Variants in CCDC141 observed in about 807,000 individuals in gnomAD.
CCDC141 encodes coiled-coil domain-containing protein 141.
A neutral mutation model predicts 181.0 loss-of-function variants in CCDC141; 168 were observed. That is an observed-to-expected ratio of 0.93 (90% CI 0.82 to 1.05). The LOEUF is 1.05. CCDC141 is among the 50% of genes least tolerant of loss of function. The pLI, the probability that CCDC141 is intolerant of heterozygous loss-of-function variation, is 0.00. For missense variants in CCDC141, 1,902 were observed against 1,788.5 expected (o/e 1.06, Z -1.14); for synonymous variants, 666 against 642.3 (o/e 1.04, Z -0.56).
chr2:178,905,695 A>G (rs12105257), intron 7 of CCDC141, among the ~76,000 whole-genome samples, 194 bp from the exon 8 acceptor site: 3,324 of 152,332 alleles, frequency 0.022, 125 homozygotes, highest in African/African-American at 0.075. Context: ...TAGGAAACTG[A>G]TCATAGCTTA....
chr2:178,846,400 A>G (rs1465119841), intron 21 of CCDC141, among the ~76,000 whole-genome samples: 1 of 152,218 alleles, frequency 6.6e-6, no homozygotes, highest in Non-Finnish European at 1.5e-5. Context: ...ACATGATAGA[A>G]CACACCAGTT....
At chr2:178,989,829 TAAAAA>T (rs71023463) in intron 2 of CCDC141, among the ~76,000 whole-genome samples, 89 of 81,400 alleles carry the variant, frequency 1.1e-3, no homozygotes, top group African/African-American at 3.8e-3. Flanking sequence ...GCTATAATCT[TAAAAA>T]AAAAAAAAAA....
Position 178,997,827 on chromosome 2 carries a change from A to C in CCDC141, c.226-19152T>G, listed in dbSNP as rs536524272. Among the ~76,000 whole-genome samples, 6 of 152,302 alleles carry C rather than the reference A, an allele frequency of 3.9e-5. No individual in the cohort carries two copies. The South Asian group carries it at 1.0e-3, about 26-fold the overall frequency. ...TAAGATGTGTATACTATGGAATTTA[A>C]ATCAGGCAAACTTGAGGATAGGATT... On this transcript the variant is annotated intron_variant, in intron 2 of 23. Coordinates refer to ENST00000443758, the MANE Select transcript of CCDC141 (RefSeq NM_173648.4).
intron 19 of CCDC141, among the ~76,000 whole-genome samples, chr2:178,854,340 C>G (rs967275638): frequency 6.6e-6 from 1 of 151,910 alleles, no homozygotes; most frequent in African/African-American, 2.4e-5. Context: ...CTGGCTAACA[C>G]GGTGAAACCC....
chr2:178,842,489 C>G (rs1336038711), intron 22 of CCDC141, among the ~76,000 whole-genome samples: 1 of 152,214 alleles, frequency 6.6e-6, no homozygotes, highest in Non-Finnish European at 1.5e-5. Context: ...TGGGCATAAT[C>G]CCTTGCATTT....
chr2:178,826,391 C>A (rs1312595785), downstream of CCDC141, among the ~76,000 whole-genome samples: 1 of 152,092 alleles, frequency 6.6e-6, no homozygotes, highest in African/African-American at 2.4e-5. Flanking sequence ...GTTTTCATTT[C>A]TTGTAATACC....
chr2:178,849,620 G>A (rs1461965105), intron 21 of CCDC141, among the ~76,000 whole-genome samples: 1 of 152,142 alleles, frequency 6.6e-6, no homozygotes, highest in East Asian at 1.9e-4. Flanking sequence ...ATTTCCATGA[G>A]GAAAAGTGTT....
At chr2:178,958,878 C>CT (rs757650351) in intron 5 of CCDC141, among the ~76,000 whole-genome samples, 3,815 of 132,190 alleles carry the variant, frequency 0.029, 82 homozygotes, top group African/African-American at 0.065. Context: ...CTTTGATGAG[C>CT]TTTTTTTTTT....
intron 2 of CCDC141, among the ~76,000 whole-genome samples, chr2:179,034,153 C>T (rs2043074638): frequency 1.3e-5 from 2 of 152,166 alleles, no homozygotes; most frequent in Admixed American, 1.3e-4. Flanking sequence ...CCATGGAATA[C>T]TATGCAGCAA....
intron 2 of CCDC141, among the ~76,000 whole-genome samples, chr2:179,009,353 C>A (rs1484498133): frequency 1.3e-5 from 2 of 152,074 alleles, no homozygotes; most frequent in East Asian, 1.9e-4. Flanking sequence ...TGTCATATTA[C>A]CATGGTTGGT....
At chr2:178,971,836 A>T (rs1690902779) in intron 4 of CCDC141, among the ~76,000 whole-genome samples, 1 of 152,140 alleles carries the variant, frequency 6.6e-6, no homozygotes, top group Non-Finnish European at 1.5e-5. Context: ...CAGAAAACCA[A>T]ACACCACATC....
intron 5 of CCDC141, among the ~76,000 whole-genome samples, chr2:178,950,366 G>C (rs1308927655): frequency 6.6e-6 from 1 of 152,108 alleles, no homozygotes; most frequent in East Asian, 1.9e-4. Context: ...AGGGGAACCA[G>C]TTGCCTTTAT....
At chr2:178,942,833 C>T (rs946611154) in intron 6 of CCDC141, among the ~76,000 whole-genome samples, 1 of 152,052 alleles carries the variant, frequency 6.6e-6, no homozygotes, top group Admixed American at 6.6e-5. Flanking sequence ...TAAAAATAGT[C>T]TTTTAAAAAT....
intron 21 of CCDC141, 27 bp from the exon 22 acceptor site, chr2:178,845,769 C>A: frequency 7.2e-7 from 1 of 1,381,070 alleles, no homozygotes; most frequent in Non-Finnish European, 1.0e-6. Flanking sequence ...TTAGTGAGAG[C>A]ATGAGCCAGG....
chr2:178,833,469 G>A lies in CCDC141; in HGVS notation c.*704C>T, dbSNP rs1684343346. ...GCTGCTCAAAACACATCAATAGAAT[G>A]TCAGGAATAACGTTGGTTCTTTCTT... On this transcript the variant is annotated 3_prime_UTR_variant, in exon 24 of 24. Transcript: ENST00000443758. 6.6e-6 allele frequency: 1 copy of A among 152,220 alleles called. No individual in the cohort carries two copies. The highest frequency in any genetic ancestry group is 1.5e-5 in the Non-Finnish European group (1 of 68,058). 9.4% of individuals were successfully genotyped at this position (152,220 alleles called of 1,614,324 possible). A position where few individuals can be genotyped will look rare whatever the true frequency, so the allele number is the denominator to read the frequency against.
chr2:178,912,823 C>A (rs1355003049), intron 7 of CCDC141, among the ~76,000 whole-genome samples: 2 of 152,164 alleles, frequency 1.3e-5, no homozygotes, highest in Admixed American at 6.5e-5. Context: ...ACATTCCTGG[C>A]GAATTGAATT....
chr2:178,962,924 T>C (rs1211252564), intron 4 of CCDC141, among the ~76,000 whole-genome samples: 1 of 152,166 alleles, frequency 6.6e-6, no homozygotes, highest in African/African-American at 2.4e-5. Context: ...CTTCGTTATC[T>C]TTACCGTACT....
Position 178,831,001 on chromosome 2 carries a change from T to C in CCDC141, c.*3172A>G, listed in dbSNP as rs17453312. ...AGGTTGTAAAGGGTCTATGAACTAC[T>C]TGAGGAAATTTAAATTTGAGCAAAG... On this transcript the variant is annotated 3_prime_UTR_variant, in exon 24 of 24. Coordinates refer to ENST00000443758, the MANE Select transcript of CCDC141 (RefSeq NM_173648.4). 34,652 of 152,090 alleles carry C rather than the reference T, an allele frequency of 0.23. 4,180 individuals are homozygous for C. Among genetic ancestry groups the C allele is most frequent in the Middle Eastern group, 0.3 (89 of 296 alleles). 9.4% of individuals were successfully genotyped at this position (152,090 alleles called of 1,614,324 possible). A position where few individuals can be genotyped will look rare whatever the true frequency, so the allele number is the denominator to read the frequency against.
chr2:178,817,768 C>A, the CCDC141 span: 1 of 289,146 alleles, frequency 3.5e-6, no homozygotes, highest in Non-Finnish European at 6.5e-6. Context: ...CTATTTCTCT[C>A]TCCCTCCTCC....
Sources: allele counts gnomAD v4.1 joint callset (sites outside exome capture counted in the v4.1 genomes callset), GRCh38; gene constraint gnomAD v4.1.1; transcripts MANE v1.5; gene names NCBI Gene and HGNC (gene_info 2026-07-23, HGNC 2026-07-21).